The following ABCA4 variants were observed in gnomAD, a reference collection of about 807,000 sequenced individuals.
ABCA4 encodes ATP binding cassette subfamily A member 4, also known as retinal-specific phospholipid-transporting ATPase ABCA4.
Under a neutral mutation model 263.7 loss-of-function variants are expected in ABCA4, and 196 were observed. That is an observed-to-expected ratio of 0.74 (90% CI 0.66 to 0.84). The LOEUF (loss-of-function observed/expected upper bound fraction) is 0.84, where lower values mean the gene tolerates loss of function less well. Ranked by LOEUF, ABCA4 falls within the 40% of genes least tolerant of loss-of-function variation. The pLI, the probability that ABCA4 is intolerant of heterozygous loss-of-function variation, is 0.00. For missense variants in ABCA4, 2,792 were observed against 2,855.1 expected (o/e 0.98, Z 0.50); for synonymous variants, 1,133 against 1,094.2 (o/e 1.04, Z -0.70).
chr1:94,008,767 A>G lies in ABCA4; in HGVS notation c.5819T>C (p.Leu1940Pro), dbSNP rs61753033. Residue 1940 changes from leucine to proline, a missense_variant, in exon 41 of 50, where the codon CTA (leucine) becomes CCA (proline). Coordinates refer to ENST00000370225, the MANE Select transcript of ABCA4 (RefSeq NM_000350.3). ...TTCCCTTACCTTGGTTAGTTCATGT[A>G]GCCTTAAGATGTCAGTTTTATTTCC... ...TGGNKTDILR[L>P]HELTKIYPGT... The G allele has an allele frequency of 6.2e-6, 10 of 1,614,104 alleles. No individual in the cohort carries two copies. In the Admixed American group the frequency reaches 8.3e-5, roughly 13 times the overall value.
At position 94,043,771 on chromosome 1, in the gene ABCA4, C is replaced by CTT. The variant is rs4147890; in HGVS notation, c.3051-298_3051-297dup. The stretch of plus-strand genomic sequence containing the variant: ...ATATCTTATGTTTAAAAAAGCAATC[C>CTT]TTTTTTTTGAAAAAAAAGTCAGGTT... On this transcript the variant is annotated intron_variant, in intron 20 of 49. Coordinates refer to ENST00000370225, the MANE Select transcript of ABCA4 (RefSeq NM_000350.3). Among the ~76,000 whole-genome samples the CTT allele has an allele frequency of 3.7e-3, 566 of 151,490 alleles. 4 individuals are homozygous for CTT. Among genetic ancestry groups the CTT allele is most frequent in the Non-Finnish European group, 6.4e-3 (436 of 67,872 alleles).
intron 22 of ABCA4, among the ~76,000 whole-genome samples, chr1:94,041,689 G>A (rs1376633632): frequency 1.3e-5 from 2 of 152,174 alleles, no homozygotes; most frequent in Non-Finnish European, 2.9e-5. Context: ...ATGTATTATG[G>A]TCAGCATCTA....
intron 7 of ABCA4, among the ~76,000 whole-genome samples, chr1:94,082,847 A>C (rs980043923): frequency 2.6e-5 from 4 of 152,244 alleles, no homozygotes; most frequent in African/African-American, 9.6e-5. Flanking sequence ...GACTTGTGCA[A>C]TCAGATGTTA....
At chr1:94,084,756 G>A (rs1461722602) in intron 6 of ABCA4, among the ~76,000 whole-genome samples, 3 of 152,136 alleles carry the variant, frequency 2.0e-5, no homozygotes, top group Non-Finnish European at 4.4e-5. Context: ...GCACTGGACC[G>A]AGGCATTTGT....
intron 44 of ABCA4, among the ~76,000 whole-genome samples, chr1:94,004,183 A>G (rs1037028232): frequency 2.0e-5 from 3 of 152,300 alleles, no homozygotes; most frequent in Non-Finnish European, 4.4e-5. Context: ...CTATATATAC[A>G]TGCCTATGTG....
At chr1:94,018,788 T>G (rs1283971171) in intron 36 of ABCA4, among the ~76,000 whole-genome samples, 3 of 152,124 alleles carry the variant, frequency 2.0e-5, no homozygotes, top group Non-Finnish European at 4.4e-5. Context: ...CCCTGCAGCC[T>G]GTAATAGGGT....
intron 36 of ABCA4, among the ~76,000 whole-genome samples, chr1:94,018,226 C>G (rs555882467): frequency 6.6e-6 from 1 of 152,250 alleles, no homozygotes; most frequent in African/African-American, 2.4e-5. Context: ...CACAGAAACA[C>G]GTGGGCCAGC....
At chr1:93,997,716 A>G (rs1659047700) in intron 48 of ABCA4, 145 bp downstream of exon 48, 1 of 1,021,148 alleles carries the variant, frequency 9.8e-7, no homozygotes, top group African/African-American at 1.6e-5. Context: ...AATTTCTGAT[A>G]TATCAGCTTT....
intron 17 of ABCA4, among the ~76,000 whole-genome samples, chr1:94,049,976 T>G (rs1266891637): frequency 6.6e-6 from 1 of 152,180 alleles, no homozygotes; most frequent in African/African-American, 2.4e-5. Flanking sequence ...AGGAAACCAC[T>G]GTCACCAGGC....
chr1:94,077,519 A>G (rs1353935526), intron 11 of ABCA4, among the ~76,000 whole-genome samples, 171 bp downstream of exon 11: 3 of 152,218 alleles, frequency 2.0e-5, no homozygotes, highest in Admixed American at 6.5e-5. Context: ...AGTTTTAAGT[A>G]TGGATAAGCT....
intron 1 of ABCA4, among the ~76,000 whole-genome samples, chr1:94,120,660 A>G (rs1662921141): frequency 9.1e-6 from 1 of 110,054 alleles, no homozygotes; most frequent in African/African-American, 3.6e-5. Context: ...TGCCCTAGAG[A>G]GCGGTAGACT....
At chr1:94,062,444 C>T (rs1661152179) in intron 13 of ABCA4, 133 bp downstream of exon 13, 8 of 1,059,318 alleles carry the variant, frequency 7.6e-6, no homozygotes, top group Non-Finnish European at 1.1e-5. Context: ...GCTCCATGCT[C>T]TCCAATTTGG....
At chr1:94,038,934 G>A (rs137900086) in intron 24 of ABCA4, among the ~76,000 whole-genome samples, 202 of 152,158 alleles carry the variant, frequency 1.3e-3, no homozygotes, top group African/African-American at 4.6e-3. Context: ...ACAGCATCCC[G>A]ATTCTATACA....
chr1:94,120,419 C>T (rs1023759365), intron 1 of ABCA4, among the ~76,000 whole-genome samples: 4 of 152,204 alleles, frequency 2.6e-5, no homozygotes, highest in Non-Finnish European at 4.4e-5. Context: ...TTGTAAGACA[C>T]ACTGTTACTT....
At chr1:94,027,381 G>T (rs1553189179) in intron 30 of ABCA4, among the ~76,000 whole-genome samples, 1 of 152,174 alleles carries the variant, frequency 6.6e-6, no homozygotes, top group Non-Finnish European at 1.5e-5. Flanking sequence ...AGAGCTCAGG[G>T]TACAGTATCA....
At chr1:94,103,469 C>T (rs1213394850) in intron 4 of ABCA4, among the ~76,000 whole-genome samples, 1 of 152,160 alleles carries the variant, frequency 6.6e-6, no homozygotes, top group African/African-American at 2.4e-5. Context: ...GGAATTTCAT[C>T]CTCCTGGAAA....
intron 15 of ABCA4, 150 bp from the exon 16 acceptor site, chr1:94,055,465 T>C: frequency 1.4e-6 from 1 of 719,364 alleles, no homozygotes; most frequent in Non-Finnish European, 2.3e-6. Context: ...GAAGGCAGTC[T>C]TTCCCTTGAC....
At chr1:94,000,772 G>A (rs1468430792) in intron 47 of ABCA4, 64 bp downstream of exon 47, 1 of 1,534,428 alleles carries the variant, frequency 6.5e-7, no homozygotes, top group African/African-American at 1.4e-5. Context: ...AGTGTCAATG[G>A]AGAACACAGG....
chr1:94,043,293 G>A (rs777535999), intron 21 of ABCA4, 43 bp downstream of exon 21: 2 of 1,613,456 alleles, frequency 1.2e-6, no homozygotes, highest in African/African-American at 2.7e-5. Flanking sequence ...GGGGAGCCAT[G>A]GATTTGCCAT....
Sources: gnomAD v4.1 joint callset for allele counts (sites outside exome capture counted in the v4.1 genomes callset) on GRCh38, gnomAD v4.1.1 for gene constraint, MANE v1.5 for transcripts, NCBI Gene and HGNC (gene_info 2026-07-23, HGNC 2026-07-21) for gene names.